The following ADNP variants were observed in gnomAD, a reference collection of about 807,000 sequenced individuals.
ADNP encodes activity-dependent neuroprotector homeobox protein.
Under a neutral mutation model 84.9 loss-of-function variants are expected in ADNP, and 4 were observed. The ratio of observed to expected loss-of-function variants is 0.05; its 90% CI spans 0.02 to 0.11. The LOEUF is 0.11. Ranked by LOEUF, ADNP falls within the 10% of genes least tolerant of loss-of-function variation. ADNP has a pLI of 1.00. For synonymous variants in ADNP, 554 were observed against 468.1 expected (o/e 1.18, Z -2.37); for missense variants, 1,132 against 1,326.0 (o/e 0.85, Z 2.27).
At chr20:50,911,881 C>T (rs1261625906) in intron 2 of ADNP, among the ~76,000 whole-genome samples, 1 of 151,900 alleles carries the variant, frequency 6.6e-6, no homozygotes, top group Non-Finnish European at 1.5e-5. Context: ...GTCCAGATTA[C>T]ATTTTAAACT....
intron 2 of ADNP, among the ~76,000 whole-genome samples, chr20:50,914,952 A>T (rs1007871674): frequency 3.3e-5 from 5 of 151,592 alleles, no homozygotes; most frequent in Admixed American, 2.6e-4. Context: ...AAATAATGAA[A>T]AACAACTTCC....
chr20:50,923,072 G>A (rs143362926), intron 2 of ADNP, among the ~76,000 whole-genome samples: 10 of 152,132 alleles, frequency 6.6e-5, no homozygotes, highest in Admixed American at 1.3e-4. Flanking sequence ...GAGACCTAAC[G>A]TACCCTATAT....
Position 50,893,952 on chromosome 20 carries a change from C to T in ADNP, c.762G>A (p.Met254Ile). ...GAACCACTACATTTGTGTGCCCAAT[C>T]ATGGCAGTGACCTGATAGCCTATAC... is the stretch of plus-strand genomic sequence containing the variant. ...HERIGYQVTA[M>I]IGHTNVVVPR... The change falls in exon 6 of 6, where the codon ATG becomes ATA. Residue 254 changes from methionine (M) to isoleucine (I), a missense_variant. Physicochemically the swap from Met to Ile is conservative, Grantham distance 10. Transcript: ENST00000621696. The surrounding 1 kb of genome is among the most constrained non-coding windows in gnomAD (Gnocchi z 4.4). 1 of 1,614,154 alleles carries T rather than the reference C, an allele frequency of 6.2e-7. No homozygotes were observed. Among genetic ancestry groups the T allele is most frequent in the Non-Finnish European group, 8.5e-7 (1 of 1,179,988 alleles).
intron 3 of ADNP, 64 bp downstream of exon 3, chr20:50,904,702 T>C (rs566878432): frequency 1.3e-5 from 2 of 152,218 alleles, no homozygotes; most frequent in Non-Finnish European, 2.9e-5. Context: ...CAATTATTTT[T>C]AAATCAAGTG....
intron 2 of ADNP, among the ~76,000 whole-genome samples, chr20:50,915,378 T>A (rs539880739): frequency 1.3e-5 from 2 of 152,344 alleles, no homozygotes; most frequent in South Asian, 4.1e-4. Context: ...AAGCCCTACA[T>A]TTAAATCAAA....
intron 2 of ADNP, among the ~76,000 whole-genome samples, chr20:50,923,477 C>T (rs1196599475): frequency 1.3e-5 from 2 of 152,130 alleles, no homozygotes; most frequent in Non-Finnish European, 2.9e-5. Context: ...TCACACTTTC[C>T]TCAGAGAAGT....
At chr20:50,894,685 A>G (rs1981201212) in intron 5 of ADNP, among the ~76,000 whole-genome samples, 173 bp from the exon 6 acceptor site, 1 of 152,148 alleles carries the variant, frequency 6.6e-6, no homozygotes, top group Admixed American at 6.6e-5. Context: ...ACCCAAGGTC[A>G]GGAGTTCAAG....
At chr20:50,901,929 A>T in intron 5 of ADNP, 88 bp downstream of exon 5, 1 of 987,270 alleles carries the variant, frequency 1.0e-6, no homozygotes, top group Non-Finnish European at 1.6e-6. Context: ...ACTTGCCCGC[A>T]ATCACTGCAC....
rs960404692 is a variant in ADNP, at chr20:50,891,514, C to A, written c.3200G>T (p.Ser1067Ile). The A allele has an allele frequency of 2.6e-5, 42 of 1,612,064 alleles. No individual in the cohort carries two copies. Among genetic ancestry groups the A allele is most frequent in the Non-Finnish European group, 3.2e-5 (38 of 1,180,030 alleles). ...LSNPQIEWQN[S>I]TIDSEDGEQF... ...TTCCCCATCCTCACTGTCAATTGTG[C>A]TATTCTGCCACTCAATCTGGGGGTT... is the stretch of plus-strand genomic sequence containing the variant. The change falls in exon 6 of 6, where the codon AGC (serine) becomes ATC (isoleucine). Residue 1067 changes from serine to isoleucine, a missense_variant. This residue lies in a region of ADNP where 381 missense variants were observed against 319.9 expected (regional missense o/e 1.19). Coordinates refer to ENST00000621696, the MANE Select transcript of ADNP (RefSeq NM_001282531.3).
rs1600921663 is a variant in ADNP, at chr20:50,890,004, G to A, written c.*1401C>T. The A allele has an allele frequency of 5.1e-6, 2 of 393,554 alleles. No individual in the cohort carries two copies. Among genetic ancestry groups the A allele is most frequent in the Admixed American group, 4.5e-5 (1 of 22,274 alleles). 24.4% of individuals were successfully genotyped at this position (393,554 alleles called of 1,614,324 possible). A position where few individuals can be genotyped will look rare whatever the true frequency, so the allele number is the denominator to read the frequency against. ...AAACCCATCAGGCTATTAAGATTCT[G>A]CTTGCAAATTAATGCCAATCCATGT... On this transcript the variant is annotated 3_prime_UTR_variant, in exon 6 of 6. Transcript: ENST00000621696.
chr20:50,913,193 C>T (rs1212305804), intron 2 of ADNP, among the ~76,000 whole-genome samples: 1 of 122,110 alleles, frequency 8.2e-6, no homozygotes, highest in African/African-American at 3.1e-5. Flanking sequence ...GTGGGGATTG[C>T]AGTGAGCAGA....
In ADNP at chr20:50,891,289, C is replaced by T; in HGVS notation, c.*116G>A. The T allele has an allele frequency of 2.8e-6, 4 of 1,431,198 alleles. No individual in the cohort carries two copies. The highest frequency in any genetic ancestry group is 3.6e-6 in the Non-Finnish European group (4 of 1,098,660). 88.7% of individuals were successfully genotyped at this position (1,431,198 alleles called of 1,614,324 possible). ...CCACTGGAACTGCAGCGGCCACATG[C>T]CCCACAGTCCAACCAGTACTCACAA... is the stretch of plus-strand genomic sequence containing the variant. On this transcript the variant is annotated 3_prime_UTR_variant, in exon 6 of 6. Coordinates refer to ENST00000621696, the MANE Select transcript of ADNP (RefSeq NM_001282531.3).
At chr20:50,926,808 TTTC>T (rs1438261075) in intron 2 of ADNP, among the ~76,000 whole-genome samples, 5 of 152,224 alleles carry the variant, frequency 3.3e-5, no homozygotes, top group South Asian at 2.1e-4. Context: ...TGCTGAAGTT[TTTC>T]TTTTTTTTAC....
At position 50,930,885 on chromosome 20, in the gene ADNP, C is replaced by CGGCGGCGGGCGGAT. The variant is rs1414456949; in HGVS notation, c.-338_-325dup. 2.7e-5 allele frequency: 4 copies of CGGCGGCGGGCGGAT among 145,694 alleles called. No homozygotes were observed. Among genetic ancestry groups the CGGCGGCGGGCGGAT allele is most frequent in the Non-Finnish European group, 6.1e-5 (4 of 65,492 alleles). The allele number at this position is 145,694 out of a possible 1,614,324, so 9.0% of individuals were successfully genotyped here. On this transcript the variant is annotated 5_prime_UTR_variant, in exon 1 of 6. Coordinates refer to ENST00000621696, the MANE Select transcript of ADNP (RefSeq NM_001282531.3). ...GTGCTCGGGGGCCGGACAGCGGCGG[C>CGGCGGCGGGCGGAT]GGCGGCGGGCGGATGGCGGCGGCAC...
At chr20:50,905,805 T>C (rs1486990432) in intron 2 of ADNP, among the ~76,000 whole-genome samples, 1 of 152,264 alleles carries the variant, frequency 6.6e-6, no homozygotes, top group African/African-American at 2.4e-5. Context: ...ACTTCTGATA[T>C]AAATTAAGAC....
intron 4 of ADNP, among the ~76,000 whole-genome samples, chr20:50,903,311 T>C (rs1288366893): frequency 6.6e-6 from 1 of 152,154 alleles, no homozygotes; most frequent in Admixed American, 6.5e-5. Flanking sequence ...ATAAAACAGC[T>C]TGAAAAACAG....
intron 5 of ADNP, among the ~76,000 whole-genome samples, chr20:50,896,607 G>A (rs1981423360): frequency 6.6e-6 from 1 of 152,040 alleles, no homozygotes; most frequent in Non-Finnish European, 1.5e-5. Flanking sequence ...TAAAAGCTAA[G>A]ACACAAACGC....
chr20:50,903,756 A>T, intron 4 of ADNP, 133 bp downstream of exon 4: 1 of 667,498 alleles, frequency 1.5e-6, no homozygotes, highest in East Asian at 2.8e-5. Flanking sequence ...TGCTATTGAG[A>T]ATGTTTTCGT....
chr20:50,890,919 C>A lies in ADNP; in HGVS notation c.*486G>T. Reference sequence around the variant, plus strand: ...CACACAGTAACAGGATCATGAGCATCACTTGAATAGGTCTAAAAGACTGTA... The same window carrying A: ...CACACAGTAACAGGATCATGAGCATAACTTGAATAGGTCTAAAAGACTGTA... On this transcript the variant is annotated 3_prime_UTR_variant, in exon 6 of 6. Transcript: ENST00000621696. The A allele has an allele frequency of 2.0e-6, 2 of 985,428 alleles. No homozygotes were observed. The allele number at this position is 985,428 out of a possible 1,614,324, so 61.0% of individuals were successfully genotyped here.
Sources: gnomAD v4.1 joint callset for allele counts (sites outside exome capture counted in the v4.1 genomes callset) on GRCh38, gnomAD v4.1.1 for gene constraint, gnomAD v4.1.1 regional missense constraint, Gnocchi (gnomAD v3.1) non-coding constraint, MANE v1.5 for transcripts, NCBI Gene and HGNC (gene_info 2026-07-23, HGNC 2026-07-21) for gene names.